Variants in RPAP2 observed in about 807,000 individuals in gnomAD.
RPAP2 encodes putative RNA polymerase II subunit B1 CTD phosphatase RPAP2.
A neutral mutation model predicts 73.1 loss-of-function variants in RPAP2; 52 were observed. The ratio of observed to expected loss-of-function variants is 0.71; its 90% CI spans 0.57 to 0.90. RPAP2 has a LOEUF of 0.90. Among genes scored for constraint, RPAP2 ranks in the 40% least tolerant of loss-of-function variants. The pLI is 0.00. For missense variants in RPAP2, 598 were observed against 701.8 expected, an observed-to-expected ratio of 0.85 and a Z score of 1.67; for synonymous variants, 225 against 242.1, an observed-to-expected ratio of 0.93 and a Z score of 0.65.
At chr1:92,363,675 G>A (rs778106121) in intron 11 of RPAP2, 1 of 291,372 alleles carries the variant, frequency 3.4e-6, no homozygotes, top group Non-Finnish European at 6.7e-6. Flanking sequence ...AAGATAGCAA[G>A]ACCAACCCCA....
intron 6 of RPAP2, among the ~76,000 whole-genome samples, chr1:92,319,571 C>G (rs1454177474): frequency 4.3e-4 from 66 of 152,200 alleles, no homozygotes; most frequent in Admixed American, 4.3e-3. Context: ...TGTTACTACT[C>G]CAATGTAACT....
In RPAP2 at chr1:92,323,510, C is replaced by G. The variant is rs771149218; in HGVS notation, c.590C>G (p.Pro197Arg). The G allele has an allele frequency of 1.2e-6, 2 of 1,613,870 alleles. No homozygotes were observed. The highest frequency in any genetic ancestry group is 3.3e-5 in the Admixed American group (2 of 60,012). Residue 197 changes from proline to arginine, a missense_variant, in exon 8 of 13, where the codon CCT becomes CGT. Pro to Arg is a moderately radical substitution (Grantham distance 103). Around this residue, in one of 3 missense-constraint regions of RPAP2, gnomAD observed 506 missense variants for 612.8 expected, o/e 0.83. Transcript: ENST00000610020. ...ATTAAAACATCAGATATCGACAATCCTAGCCACTTTGAAAAGCAATATGAA... is the reference window on the plus strand; with the variant it reads ...ATTAAAACATCAGATATCGACAATCGTAGCCACTTTGAAAAGCAATATGAA... The part of the protein sequence containing the change: ...KAIKTSDIDN[P>R]SHFEKQYESS...
chr1:92,383,889 G>A (rs892266189), intron 12 of RPAP2, among the ~76,000 whole-genome samples: 1 of 152,070 alleles, frequency 6.6e-6, no homozygotes, highest in African/African-American at 2.4e-5. Context: ...GATATTGGCT[G>A]TGGGTTTGTC....
At chr1:92,342,310 A>C (rs1344105352) in intron 10 of RPAP2, among the ~76,000 whole-genome samples, 1 of 152,192 alleles carries the variant, frequency 6.6e-6, no homozygotes, top group Non-Finnish European at 1.5e-5. Flanking sequence ...AGGTGCAAAG[A>C]CTAAACCAGG....
intron 6 of RPAP2, among the ~76,000 whole-genome samples, chr1:92,316,286 A>AGAACAAC (rs1458709691): frequency 6.6e-6 from 1 of 152,162 alleles, no homozygotes; most frequent in Non-Finnish European, 1.5e-5. Flanking sequence ...AAACCTCTGC[A>AGAACAAC]GAACAACTAT....
intron 12 of RPAP2, among the ~76,000 whole-genome samples, chr1:92,381,762 A>AT (rs56860879): frequency 0.037 from 5,576 of 151,154 alleles, 265 homozygotes; most frequent in African/African-American, 0.11. Flanking sequence ...TTATTTTATT[A>AT]TTTTTTTTAA....
chr1:92,302,589 A>ATTTTT (rs1557586485), intron 3 of RPAP2, among the ~76,000 whole-genome samples: 1 of 92,268 alleles, frequency 1.1e-5, no homozygotes, highest in Non-Finnish European at 2.3e-5. Flanking sequence ...TTCCGCATTA[A>ATTTTT]ATTTTTTTTT....
intron 10 of RPAP2, among the ~76,000 whole-genome samples, chr1:92,337,320 ATACTG>A (rs1653335571): frequency 6.6e-6 from 1 of 152,170 alleles, no homozygotes; most frequent in Non-Finnish European, 1.5e-5. Context: ...TTGCAGTCAC[ATACTG>A]TACATTAGTA....
At position 92,307,301 on chromosome 1, in the gene RPAP2, C is replaced by T. The variant is rs770964279; in HGVS notation, c.488+25C>T. On this transcript the variant is annotated intron_variant, in intron 6 of 12. Coordinates refer to ENST00000610020, the MANE Select transcript of RPAP2 (RefSeq NM_024813.3). ...GGTAATTTAAGTCATTGTGTATATA[C>T]ATTTGTTCATATATTCTAATAATTT... The T allele has an allele frequency of 2.1e-6, 3 of 1,422,900 alleles. No individual in the cohort carries two copies. In the South Asian group the frequency reaches 3.7e-5, roughly 18 times the overall value. The allele number at this position is 1,422,900 out of a possible 1,614,324, so 88.1% of individuals were successfully genotyped here. A position where few individuals can be genotyped will look rare whatever the true frequency, so the allele number is the denominator to read the frequency against.
chr1:92,378,651 A>G (rs1032833487), intron 11 of RPAP2, among the ~76,000 whole-genome samples: 19 of 152,252 alleles, frequency 1.2e-4, no homozygotes, highest in African/African-American at 4.3e-4. Flanking sequence ...GGAAGTAGCA[A>G]CTTAATATTT....
At chr1:92,373,759 A>T (rs975039196) in intron 11 of RPAP2, among the ~76,000 whole-genome samples, 5 of 146,932 alleles carry the variant, frequency 3.4e-5, no homozygotes, top group Non-Finnish European at 7.5e-5. Flanking sequence ...AAAAAAAAAA[A>T]AAAAAAAAAA....
At chr1:92,333,747 G>A (rs1442203935) in intron 9 of RPAP2, among the ~76,000 whole-genome samples, 1 of 152,162 alleles carries the variant, frequency 6.6e-6, no homozygotes, top group Non-Finnish European at 1.5e-5. Context: ...CACCTAATCA[G>A]TGAAGTCAGG....
intron 7 of RPAP2, among the ~76,000 whole-genome samples, chr1:92,321,198 ATATT>A (rs1158917866): frequency 6.6e-6 from 1 of 152,226 alleles, no homozygotes; most frequent in African/African-American, 2.4e-5. Context: ...CAAATAAGAG[ATATT>A]TATTTATTGA....
chr1:92,303,798 T>C (rs569132727), intron 3 of RPAP2, among the ~76,000 whole-genome samples, 179 bp from the exon 4 acceptor site: 252 of 152,300 alleles, frequency 1.7e-3, no homozygotes, highest in Non-Finnish European at 2.8e-3. Flanking sequence ...GCTCACTATA[T>C]GTTGAGCACT....
intron 12 of RPAP2, among the ~76,000 whole-genome samples, chr1:92,384,193 T>C (rs892302940): frequency 1.5e-4 from 23 of 151,730 alleles, no homozygotes; most frequent in African/African-American, 5.5e-4. Context: ...CTTGACCTCG[T>C]GATCTGCCTG....
chr1:92,367,959 C>G (rs1654993915), intron 11 of RPAP2, among the ~76,000 whole-genome samples: 1 of 152,208 alleles, frequency 6.6e-6, no homozygotes, highest in African/African-American at 2.4e-5. Context: ...TTGCAGCTAT[C>G]TGTGCTATAT....
At chr1:92,366,905 A>G (rs909625306) in intron 11 of RPAP2, among the ~76,000 whole-genome samples, 7 of 152,192 alleles carry the variant, frequency 4.6e-5, no homozygotes, top group African/African-American at 1.4e-4. Context: ...GTGTGCAAAC[A>G]GGTATTTTGG....
At chr1:92,337,426 G>A (rs6662565) in intron 10 of RPAP2, among the ~76,000 whole-genome samples, 15,790 of 152,030 alleles carry the variant, frequency 0.1, 2,362 homozygotes, top group African/African-American at 0.34. Context: ...AAGTTTTTCA[G>A]TAAGTCTTTT....
intron 11 of RPAP2, among the ~76,000 whole-genome samples, chr1:92,360,368 A>G (rs538589133): frequency 2.0e-5 from 3 of 152,336 alleles, no homozygotes; most frequent in African/African-American, 7.2e-5. Flanking sequence ...AGGCTGCTAT[A>G]GTATTACATA....
Sources: allele counts gnomAD v4.1 joint callset (sites outside exome capture counted in the v4.1 genomes callset), GRCh38; gene constraint gnomAD v4.1.1; regional missense constraint gnomAD v4.1.1; transcripts MANE v1.5; gene names NCBI Gene and HGNC (gene_info 2026-07-23, HGNC 2026-07-21).